Variants in CAMKK1 observed in about 807,000 individuals in gnomAD.
CAMKK1 encodes calcium/calmodulin dependent protein kinase kinase 1, also known as calcium/calmodulin-dependent protein kinase kinase 1.
A neutral mutation model predicts 63.5 loss-of-function variants in CAMKK1; 20 were observed. The observed-to-expected ratio is 0.32, with a 90% CI of 0.22 to 0.46. The LOEUF (loss-of-function observed/expected upper bound fraction) is 0.46, where lower values mean the gene tolerates loss of function less well. CAMKK1 is among the 20% of genes least tolerant of loss of function. The probability of loss-of-function intolerance (pLI) is 1.00; values close to 1 mark genes in which losing one functional copy is unlikely to be tolerated. For synonymous variants in CAMKK1, 253 were observed against 269.0 expected (o/e 0.94, Z 0.58); for missense variants, 588 against 658.1 (o/e 0.89, Z 1.17).
At chr17:3,874,406 C>CT (rs894124189) in intron 10 of CAMKK1, among the ~76,000 whole-genome samples, 50 of 152,268 alleles carry the variant, frequency 3.3e-4, no homozygotes, top group African/African-American at 1.2e-3. Context: ...GAGTCTCACT[C>CT]TGTCGCCCAG....
rs981977155 is a variant in CAMKK1, at chr17:3,887,034, C to T, written c.-43-1304G>A. Among the ~76,000 whole-genome samples, 5 of 152,142 alleles carry T rather than the reference C, an allele frequency of 3.3e-5. No individual in the cohort carries two copies. Among genetic ancestry groups the T allele is most frequent in the Admixed American group, 2.0e-4 (3 of 15,270 alleles). On this transcript the variant is annotated intron_variant, in intron 1 of 15. Transcript: ENST00000348335. This position sits in a 1 kb window ranked among gnomAD's most constrained non-coding sequence, Gnocchi z 6.1. ...GAGACCCAGAGTACGCATGGTGAAG[C>T]GCCTGCTCTACCGCTCGTTCCCCAT...
chr17:3,865,483 G>T (rs1025134873), intron 15 of CAMKK1: 2 of 1,014,574 alleles, frequency 2.0e-6, no homozygotes, highest in Non-Finnish European at 1.2e-6. Context: ...CTCCTCTACA[G>T]CCCGCCAGCC....
At position 3,873,402 on chromosome 17, in the gene CAMKK1, C is replaced by T. The variant is rs2054984956; in HGVS notation, c.1050+7G>A. 1.2e-6 allele frequency: 2 copies of T among 1,613,856 alleles called. No homozygotes were observed. The highest frequency in any genetic ancestry group is 1.1e-5 in the South Asian group (1 of 91,088). On this transcript the variant is annotated splice_region_variant and intron_variant, in intron 11 of 15. Transcript: ENST00000348335. ...GCCCCAGCTCTGCTGGCATCCCTGG[C>T]ACTCACCTTCCCATAGACAAAGCAG... is the stretch of plus-strand genomic sequence containing the variant.
At chr17:3,881,340 A>T (rs2055402946) in intron 8 of CAMKK1, among the ~76,000 whole-genome samples, 1 of 152,192 alleles carries the variant, frequency 6.6e-6, no homozygotes, top group Admixed American at 6.5e-5. Context: ...TTTTACCTAA[A>T]AAACACTCCT....
At position 3,889,179 on chromosome 17, in the gene CAMKK1, C is replaced by T. The variant is rs751075319; in HGVS notation, c.-43-3449G>A. 1.3e-5 allele frequency among the ~76,000 whole-genome samples: 2 copies of T among 152,130 alleles called. No individual in the cohort carries two copies. Among genetic ancestry groups the T allele is most frequent in the Non-Finnish European group, 2.9e-5 (2 of 68,016 alleles). On this transcript the variant is annotated intron_variant, in intron 1 of 15. Coordinates refer to ENST00000348335, the MANE Select transcript of CAMKK1 (RefSeq NM_032294.3). The surrounding 1 kb of genome is among the most constrained non-coding windows in gnomAD (Gnocchi z 5.2). Reference sequence around the variant, plus strand: ...GCCTGCTGGGCTGGATTCTGTGCCCCGGGCGGAAACCCAGGCCCATCTGGA... The same window carrying T: ...GCCTGCTGGGCTGGATTCTGTGCCCTGGGCGGAAACCCAGGCCCATCTGGA...
chr17:3,876,072 T>C lies in CAMKK1; in HGVS notation c.996+151A>G, dbSNP rs767547427. On this transcript the variant is annotated intron_variant, in intron 10 of 15. Transcript: ENST00000348335. ...GCTGGAAAACAGGAGAAGGCCAAAG[T>C]TGTGGAGTTTGTCAGGCTCCAAGGA... 9.8e-6 allele frequency: 7 copies of C among 716,468 alleles called. No homozygotes were observed. In the Admixed American group the frequency reaches 1.2e-4, roughly 12 times the overall value. The allele number at this position is 716,468 out of a possible 1,614,324, so 44.4% of individuals were successfully genotyped here. A position where few individuals can be genotyped will look rare whatever the true frequency, so the allele number is the denominator to read the frequency against.
At position 3,888,339 on chromosome 17, in the gene CAMKK1, C is replaced by CCGGGGTCACCCAGCAAGT. The variant is rs559617936; in HGVS notation, c.-43-2627_-43-2610dup. On this transcript the variant is annotated intron_variant, in intron 1 of 15. Coordinates refer to ENST00000348335, the MANE Select transcript of CAMKK1 (RefSeq NM_032294.3). ...GGAGGCCCAGCGGGTGGGGATGGGC[C>CCGGGGTCACCCAGCAAGT]CGGGGTCACCCAGCAAGTCGGGGCA... Among the ~76,000 whole-genome samples the CCGGGGTCACCCAGCAAGT allele has an allele frequency of 2.9e-4, 44 of 152,286 alleles. 1 individual carries two copies. In the South Asian group the frequency reaches 9.1e-3, roughly 32 times the overall value.
Position 3,883,633 on chromosome 17 carries a change from T to G in CAMKK1, c.463-153A>C, listed in dbSNP as rs547944549. Among the ~76,000 whole-genome samples the G allele has an allele frequency of 2.8e-3, 427 of 152,030 alleles. 8 individuals are homozygous for G. The highest frequency in any genetic ancestry group is 7.8e-4 in the Non-Finnish European group (53 of 67,964). Reference sequence around the variant, plus strand: ...GGTAAGTGTTAAGCGGGGTTGGGGGTGGCCATATCTGAGCCTAGCCCTTCC... The same window carrying G: ...GGTAAGTGTTAAGCGGGGTTGGGGGGGGCCATATCTGAGCCTAGCCCTTCC... On this transcript the variant is annotated intron_variant, in intron 4 of 15. Transcript: ENST00000348335. The surrounding 1 kb of genome is among the most constrained non-coding windows in gnomAD (Gnocchi z 4.7).
chr17:3,886,367 C>T (rs1267603122), intron 1 of CAMKK1, among the ~76,000 whole-genome samples: 1 of 152,152 alleles, frequency 6.6e-6, no homozygotes, highest in Non-Finnish European at 1.5e-5. Context: ...CATGGTGGCT[C>T]ACACTTGTAA....
At position 3,883,597 on chromosome 17, in the gene CAMKK1, G is replaced by A; in HGVS notation, c.463-117C>T. 1 of 912,894 alleles carries A rather than the reference G, an allele frequency of 1.1e-6. No homozygotes were observed. Among genetic ancestry groups the A allele is most frequent in the Non-Finnish European group, 1.8e-6 (1 of 546,404 alleles). 56.5% of individuals were successfully genotyped at this position (912,894 alleles called of 1,614,324 possible). A position where few individuals can be genotyped will look rare whatever the true frequency, so the allele number is the denominator to read the frequency against. On this transcript the variant is annotated intron_variant, in intron 4 of 15. Transcript: ENST00000348335. The surrounding 1 kb of genome is among the most constrained non-coding windows in gnomAD (Gnocchi z 4.7). ...CTGGACATCTGCTACTGGCCCTGAG[G>A]GTGTGGCCCAGGTAAGTGTTAAGCG... is the stretch of plus-strand genomic sequence containing the variant.
In CAMKK1 at chr17:3,872,633, G is replaced by C; in HGVS notation, c.1051-6C>G. 6.2e-7 allele frequency: 1 copy of C among 1,613,132 alleles called. No homozygotes were observed. On this transcript the variant is annotated splice_polypyrimidine_tract_variant and splice_region_variant and intron_variant, in intron 11 of 15. Transcript: ENST00000348335. ...AAATCGTCGATGAATGGGCACTGTG[G>C]GGTGGAGAGGCAGACAAAGGATGTG...
At chr17:3,870,429 A>G (rs9909498) in intron 12 of CAMKK1, among the ~76,000 whole-genome samples, 3,359 of 151,304 alleles carry the variant, frequency 0.022, 101 homozygotes, top group African/African-American at 0.077. Context: ...GCAGTGGCGC[A>G]ATCTCGGCTC....
At chr17:3,877,445 G>A (rs1258783190) in intron 9 of CAMKK1, among the ~76,000 whole-genome samples, 1 of 152,176 alleles carries the variant, frequency 6.6e-6, no homozygotes, top group African/African-American at 2.4e-5. Context: ...AAGCTGACAT[G>A]ACTGGTAAGG....
Position 3,885,405 on chromosome 17 carries a change from G to T in CAMKK1, c.283C>A (p.Pro95Thr). The T allele has an allele frequency of 6.2e-7, 1 of 1,611,762 alleles. No individual in the cohort carries two copies. The highest frequency in any genetic ancestry group is 8.5e-7 in the Non-Finnish European group (1 of 1,179,550). The change falls in exon 2 of 16, where the codon CCT (proline) becomes ACT (threonine). Residue 95 changes from proline (P) to threonine (T), a missense_variant. Physicochemically the swap from Pro to Thr is conservative, Grantham distance 38 (BLOSUM62 -1). Coordinates refer to ENST00000348335, the MANE Select transcript of CAMKK1 (RefSeq NM_032294.3). ...GCCCGGGGGGAGATGTGGCTGGCAGGCCCCGTGGCATAAGGCCCAGCCTGC... is the reference window on the plus strand; with the variant it reads ...GCCCGGGGGGAGATGTGGCTGGCAGTCCCCGTGGCATAAGGCCCAGCCTGC... ...EAQAGPYATG[P>T]ASHISPRAWR... is the part of the protein sequence containing the mutation.
At position 3,890,625 on chromosome 17, in the gene CAMKK1, CG is replaced by C; in HGVS notation, c.-44+2313del. ...TCTTTCCTGACCCAGGTCAGCAATC[CG>C]GGAGCCCTCCTTGTCACTCGTCCTT... On this transcript the variant is annotated intron_variant, in intron 1 of 15. Transcript: ENST00000348335. The surrounding 1 kb of genome is among the most constrained non-coding windows in gnomAD (Gnocchi z 6.5). The C allele has an allele frequency of 1.3e-6, 1 of 779,430 alleles. No individual in the cohort carries two copies. Among genetic ancestry groups the C allele is most frequent in the South Asian group, 1.3e-5 (1 of 74,574 alleles). The allele number at this position is 779,430 out of a possible 1,614,324, so 48.3% of individuals were successfully genotyped here. A position where few individuals can be genotyped will look rare whatever the true frequency, so the allele number is the denominator to read the frequency against.
chr17:3,885,023 G>T (rs913563553), intron 2 of CAMKK1, among the ~76,000 whole-genome samples: 41 of 152,290 alleles, frequency 2.7e-4, no homozygotes, highest in African/African-American at 9.6e-4. Context: ...GAAGAGTTAG[G>T]GGGGAAGGGG....
chr17:3,863,518 C>T (rs1465457404), intron 15 of CAMKK1, among the ~76,000 whole-genome samples: 1 of 152,098 alleles, frequency 6.6e-6, no homozygotes, highest in Non-Finnish European at 1.5e-5. Flanking sequence ...AAACAAAAAA[C>T]CAAAGCAGTC....
chr17:3,883,945 T>A lies in CAMKK1; in HGVS notation c.409-8A>T. The A allele has an allele frequency of 1.2e-6, 2 of 1,613,426 alleles. No individual in the cohort carries two copies. The highest frequency in any genetic ancestry group is 1.7e-6 in the Non-Finnish European group (2 of 1,179,902). ...CACCACACCGTAGGCACCCTGCAGA[T>A]AGGCATCAGTCAGCCCCACCTGGAC... On this transcript the variant is annotated splice_polypyrimidine_tract_variant and splice_region_variant and intron_variant, in intron 3 of 15. Coordinates refer to ENST00000348335, the MANE Select transcript of CAMKK1 (RefSeq NM_032294.3). This position sits in a 1 kb window ranked among gnomAD's most constrained non-coding sequence, Gnocchi z 4.7.
In CAMKK1 at chr17:3,890,924, C is replaced by T. The variant is rs1272003874; in HGVS notation, c.-44+2015G>A. Among the ~76,000 whole-genome samples the T allele has an allele frequency of 6.6e-6, 1 of 152,202 alleles. No individual in the cohort carries two copies. Among genetic ancestry groups the T allele is most frequent in the African/African-American group, 2.4e-5 (1 of 41,446 alleles). ...AGATTCTACCCACTGCTTCGTTTCC[C>T]ACTATGTGGGTCTTCCCTGACTCCA... is the stretch of plus-strand genomic sequence containing the variant. On this transcript the variant is annotated intron_variant, in intron 1 of 15. Transcript: ENST00000348335. This position sits in a 1 kb window ranked among gnomAD's most constrained non-coding sequence, Gnocchi z 6.5.
Sources: allele counts gnomAD v4.1 joint callset (sites outside exome capture counted in the v4.1 genomes callset), GRCh38; gene constraint gnomAD v4.1.1; non-coding constraint Gnocchi (gnomAD v3.1); transcripts MANE v1.5; gene names NCBI Gene and HGNC (gene_info 2026-07-23, HGNC 2026-07-21).